Variants in EMP2 observed in about 807,000 individuals in gnomAD.
EMP2 encodes epithelial membrane protein 2.
Under a neutral mutation model 13.7 loss-of-function variants are expected in EMP2, and 19 were observed. That is an observed-to-expected ratio of 1.38 (90% CI 0.97 to 2.03). The LOEUF (loss-of-function observed/expected upper bound fraction) is 2.03, where lower values mean the gene tolerates loss of function less well. EMP2 is among the 30% of genes most tolerant of loss of function. The pLI, the probability that EMP2 is intolerant of heterozygous loss-of-function variation, is 0.00. For missense variants in EMP2, 253 were observed against 220.7 expected (o/e 1.15, Z -0.93); for synonymous variants, 97 against 84.7 (o/e 1.15, Z -0.80).
In EMP2 at chr16:10,580,106, C is replaced by T. The variant is rs1472531081; in HGVS notation, c.-61+443G>A. Among the ~76,000 whole-genome samples the T allele has an allele frequency of 6.6e-6, 1 of 152,156 alleles. No homozygotes were observed. Among genetic ancestry groups the T allele is most frequent in the Admixed American group, 6.5e-5 (1 of 15,282 alleles). ...GGGCGCGACGGAGCAGCGGCGGGGG[C>T]CTAGAGGGGTACGCAGCCCAGGAGG... On this transcript the variant is annotated intron_variant, in intron 1 of 4. Coordinates refer to ENST00000359543, the MANE Select transcript of EMP2 (RefSeq NM_001424.6). The surrounding 1 kb of genome is among the most constrained non-coding windows in gnomAD (Gnocchi z 4.3).
intron 1 of EMP2, among the ~76,000 whole-genome samples, chr16:10,565,073 C>T (rs2050898207): frequency 6.6e-6 from 1 of 152,146 alleles, no homozygotes. Context: ...TATTTCTTTG[C>T]TAAAACAGGA....
At chr16:10,548,708 AAAAAT>A (rs567017300) in intron 1 of EMP2, among the ~76,000 whole-genome samples, 17 of 152,128 alleles carry the variant, frequency 1.1e-4, no homozygotes, top group African/African-American at 2.2e-4. Context: ...AAATAAAAAT[AAAAAT>A]AAAATAAAAT....
chr16:10,559,253 TCAGGAAGG>T (rs2142197149), intron 1 of EMP2: 1 of 152,508 alleles, frequency 6.6e-6, no homozygotes, highest in African/African-American at 2.4e-5. Context: ...GCCTCTGTTT[TCAGGAAGG>T]CAGAGGTCAG....
intron 2 of EMP2, chr16:10,546,496 G>T (rs1235780458): frequency 6.6e-6 from 1 of 152,188 alleles, no homozygotes; most frequent in Non-Finnish European, 1.5e-5. Flanking sequence ...TAGGGGCATA[G>T]GTAGAGTCTG....
At chr16:10,547,838 G>C (rs931706760) in intron 1 of EMP2, among the ~76,000 whole-genome samples, 161 bp from the exon 2 acceptor site, 1 of 151,896 alleles carries the variant, frequency 6.6e-6, no homozygotes, top group Non-Finnish European at 1.5e-5. Flanking sequence ...ATTGAGACCA[G>C]CCCAGGCAAC....
intron 3 of EMP2, among the ~76,000 whole-genome samples, chr16:10,540,546 C>A (rs1219433099): frequency 1.0e-5 from 1 of 100,328 alleles, no homozygotes; most frequent in Non-Finnish European, 2.0e-5. Flanking sequence ...AAATAGATTT[C>A]TCTAAGGACC....
At chr16:10,564,245 T>C (rs1450488884) in intron 1 of EMP2, among the ~76,000 whole-genome samples, 1 of 152,060 alleles carries the variant, frequency 6.6e-6, no homozygotes, top group Non-Finnish European at 1.5e-5. Context: ...AATCCCAACA[T>C]TTTGGTAGGT....
Position 10,537,864 on chromosome 16 carries a change from C to T in EMP2, c.316+64G>A, listed in dbSNP as rs73502095. 8.1e-4 allele frequency: 1,277 copies of T among 1,584,418 alleles called. 5 individuals carry two copies. The African/African-American group carries it at 0.015, about 18-fold the overall frequency. On this transcript the variant is annotated intron_variant, in intron 4 of 4. Coordinates refer to ENST00000359543, the MANE Select transcript of EMP2 (RefSeq NM_001424.6). ...TCCCTCCTCCTGGCTTCCCTCCTGG[C>T]GGCTGGGAAGGGAGTGCTTATTCCA...
chr16:10,562,264 T>A (rs61262469), intron 1 of EMP2, among the ~76,000 whole-genome samples: 9,126 of 152,142 alleles, frequency 0.06, 510 homozygotes, highest in African/African-American at 0.15. Flanking sequence ...GTGATTTTTT[T>A]ATCAATAAAA....
At chr16:10,557,929 G>A (rs566171145) in intron 1 of EMP2, among the ~76,000 whole-genome samples, 1 of 152,092 alleles carries the variant, frequency 6.6e-6, no homozygotes, top group Non-Finnish European at 1.5e-5. Context: ...CTGTGGAGGA[G>A]GAACAAGAGG....
chr16:10,554,119 C>A (rs1385843078), intron 1 of EMP2, among the ~76,000 whole-genome samples: 1 of 151,744 alleles, frequency 6.6e-6, no homozygotes, highest in Non-Finnish European at 1.5e-5. Context: ...GCAACCTCCA[C>A]CTCCCGAGTT....
At chr16:10,579,226 C>T (rs1596385368) in intron 1 of EMP2, among the ~76,000 whole-genome samples, 1 of 152,164 alleles carries the variant, frequency 6.6e-6, no homozygotes, top group Admixed American at 6.5e-5. Flanking sequence ...AGGACCCCGT[C>T]CCTTCCTCGT....
intron 1 of EMP2, among the ~76,000 whole-genome samples, chr16:10,554,135 G>A (rs1267705428): frequency 1.3e-5 from 2 of 151,476 alleles, no homozygotes; most frequent in Admixed American, 6.6e-5. Context: ...GAGTTCAAGC[G>A]ATTCTCCTGC....
chr16:10,575,221 T>C (rs1323319936), intron 1 of EMP2, among the ~76,000 whole-genome samples: 3 of 145,040 alleles, frequency 2.1e-5, no homozygotes, highest in Non-Finnish European at 4.5e-5. Context: ...GTGGCCTTGG[T>C]CCTGGAGCTT....
chr16:10,559,813 T>A (rs1423060735), intron 1 of EMP2, among the ~76,000 whole-genome samples: 1 of 152,162 alleles, frequency 6.6e-6, no homozygotes, highest in African/African-American at 2.4e-5. Flanking sequence ...TAGCTGGGAT[T>A]ACAGGCACCT....
At chr16:10,534,055 C>G (rs1241119345) in intron 4 of EMP2, among the ~76,000 whole-genome samples, 2 of 151,776 alleles carry the variant, frequency 1.3e-5, no homozygotes, top group African/African-American at 2.4e-5. Context: ...GCAGAGGTTG[C>G]AGTGAGCCGA....
intron 4 of EMP2, among the ~76,000 whole-genome samples, chr16:10,533,488 C>T (rs1467244209): frequency 6.6e-6 from 1 of 152,170 alleles, no homozygotes; most frequent in African/African-American, 2.4e-5. Context: ...GCCACATCAC[C>T]AACCCAGAGG....
intron 1 of EMP2, among the ~76,000 whole-genome samples, chr16:10,573,041 T>G (rs1180520526): frequency 6.6e-6 from 1 of 152,084 alleles, no homozygotes; most frequent in African/African-American, 2.4e-5. Flanking sequence ...CATGGGTTTA[T>G]TTTGGCTTTT....
chr16:10,577,578 T>C (rs1421633911), intron 1 of EMP2, among the ~76,000 whole-genome samples: 1 of 152,078 alleles, frequency 6.6e-6, no homozygotes, highest in Non-Finnish European at 1.5e-5. Flanking sequence ...TCCCCATTCC[T>C]TCCCTGCACA....
Sources: allele counts gnomAD v4.1 joint callset (sites outside exome capture counted in the v4.1 genomes callset), GRCh38; gene constraint gnomAD v4.1.1; non-coding constraint Gnocchi (gnomAD v3.1); transcripts MANE v1.5; gene names NCBI Gene and HGNC (gene_info 2026-07-23, HGNC 2026-07-21).